Variants in INPP5D observed in about 807,000 individuals in gnomAD.
INPP5D encodes the protein inositol polyphosphate-5-phosphatase D.
INPP5D carries 33 observed loss-of-function variants against 122.9 expected under a neutral mutation model. That is an observed-to-expected ratio of 0.27 (90% CI 0.20 to 0.36). The LOEUF is 0.36. INPP5D is among the 10% of genes least tolerant of loss of function. INPP5D has a pLI of 1.00. For synonymous variants in INPP5D, 584 were observed against 576.2 expected, an observed-to-expected ratio of 1.01 and a Z score of -0.19; for missense variants, 1,053 against 1,412.7, an observed-to-expected ratio of 0.75 and a Z score of 4.08.
intron 2 of INPP5D, among the ~76,000 whole-genome samples, chr2:233,108,898 TGCAGCTTCTGCATGGCA>T (rs1276920880): frequency 6.6e-6 from 1 of 152,214 alleles, no homozygotes; most frequent in Non-Finnish European, 1.5e-5. Flanking sequence ...TCCACAGTCT[TGCAGCTTCTGCATGGCA>T]GAGAGGGGAC....
intron 2 of INPP5D, among the ~76,000 whole-genome samples, chr2:233,095,699 CT>C (rs1170448352): frequency 3.2e-4 from 29 of 90,700 alleles, no homozygotes; most frequent in African/African-American, 1.2e-3. Flanking sequence ...GGAGATAGAA[CT>C]TTTAAAATAA....
intron 13 of INPP5D, among the ~76,000 whole-genome samples, chr2:233,168,591 C>CT (rs1694406962): frequency 1.3e-5 from 2 of 152,234 alleles, no homozygotes; most frequent in Non-Finnish European, 2.9e-5. Flanking sequence ...GTGTTCTTTA[C>CT]GAACACTGAA....
At chr2:233,124,314 C>G (rs1214960239) in intron 3 of INPP5D, among the ~76,000 whole-genome samples, 1 of 152,206 alleles carries the variant, frequency 6.6e-6, no homozygotes, top group Admixed American at 6.5e-5. Flanking sequence ...GGGCTTGCTG[C>G]AGGCATCCTT....
Position 233,164,459 on chromosome 2 carries a change from C to A in INPP5D, c.1555+35C>A, listed in dbSNP as rs1694276837. 2 of 1,515,808 alleles carry A rather than the reference C, an allele frequency of 1.3e-6. No homozygotes were observed. Among genetic ancestry groups the A allele is most frequent in the Non-Finnish European group, 1.8e-6 (2 of 1,124,030 alleles). The allele number at this position is 1,515,808 out of a possible 1,614,324, so 93.9% of individuals were successfully genotyped here. A position where few individuals can be genotyped will look rare whatever the true frequency, so the allele number is the denominator to read the frequency against. ...GCGGGGACCCTGTGTTCCTCCCACA[C>A]CCTCTGCCTCAACTCTCGCGACCAC... On this transcript the variant is annotated intron_variant, in intron 13 of 26. Transcript: ENST00000445964. This position sits in a 1 kb window ranked among gnomAD's most constrained non-coding sequence, Gnocchi z 4.3.
At chr2:233,148,551 A>G (rs928228468) in intron 9 of INPP5D, among the ~76,000 whole-genome samples, 4 of 152,156 alleles carry the variant, frequency 2.6e-5, no homozygotes, top group Non-Finnish European at 5.9e-5. Context: ...GAGGCCAGGC[A>G]GGGTGTCAGG....
chr2:233,173,240 C>T (rs1694538028), intron 17 of INPP5D, among the ~76,000 whole-genome samples: 1 of 151,214 alleles, frequency 6.6e-6, no homozygotes, highest in South Asian at 2.1e-4. Context: ...AGGTGGTACA[C>T]CTGTATAGGG....
intron 21 of INPP5D, among the ~76,000 whole-genome samples, chr2:233,187,431 A>T (rs1313653084): frequency 1.3e-5 from 2 of 152,032 alleles, no homozygotes; most frequent in East Asian, 3.9e-4. Context: ...CAGAGGTGAC[A>T]CTCGAGGTGA....
At chr2:233,141,473 A>G (rs1693629996) in intron 6 of INPP5D, 1 of 152,154 alleles carries the variant, frequency 6.6e-6, no homozygotes, top group Non-Finnish European at 1.5e-5. Context: ...AGGCTGAGGC[A>G]GGAGCATTGC....
chr2:233,149,612 A>G (rs1404724759), intron 9 of INPP5D, among the ~76,000 whole-genome samples: 3 of 152,120 alleles, frequency 2.0e-5, no homozygotes, highest in Non-Finnish European at 4.4e-5. Context: ...CCATTGCTCA[A>G]ATTCCTTCAG....
intron 9 of INPP5D, among the ~76,000 whole-genome samples, chr2:233,147,868 CTGTGAGTACA>C (rs775926874): frequency 2.6e-5 from 4 of 152,224 alleles, no homozygotes; most frequent in Non-Finnish European, 5.9e-5. Context: ...ATAAACTAAA[CTGTGAGTACA>C]TGGACTCTGG....
At chr2:233,094,910 T>G (rs535810063) in intron 2 of INPP5D, among the ~76,000 whole-genome samples, 1 of 152,334 alleles carries the variant, frequency 6.6e-6, no homozygotes, top group African/African-American at 2.4e-5. Context: ...GTGAGGAATG[T>G]TCTCCCACCC....
intron 2 of INPP5D, among the ~76,000 whole-genome samples, chr2:233,111,646 C>T (rs185717989): frequency 6.6e-6 from 1 of 152,342 alleles, no homozygotes; most frequent in East Asian, 1.9e-4. Context: ...CCTCTGTGCA[C>T]CCATCTCAGG....
chr2:233,116,662 T>G (rs146503515), intron 2 of INPP5D, among the ~76,000 whole-genome samples: 122 of 151,898 alleles, frequency 8.0e-4, no homozygotes, highest in African/African-American at 2.7e-3. Flanking sequence ...AGTGGCTCCA[T>G]CTTGGCTCAC....
At position 233,100,588 on chromosome 2, in the gene INPP5D, C is replaced by A. The variant is rs1006527965; in HGVS notation, c.198+21190C>A. Among the ~76,000 whole-genome samples the A allele has an allele frequency of 6.6e-6, 1 of 152,228 alleles. No individual in the cohort carries two copies. The highest frequency in any genetic ancestry group is 1.5e-5 in the Non-Finnish European group (1 of 68,030). On this transcript the variant is annotated intron_variant, in intron 2 of 26. Coordinates refer to ENST00000445964, the MANE Select transcript of INPP5D (RefSeq NM_001017915.3). This position sits in a 1 kb window ranked among gnomAD's most constrained non-coding sequence, Gnocchi z 5.3. ...CATCCCCCATGGACTCATGGGCACC[C>A]CCGGTTGAGCTCGCTCACCCAGAGC...
At chr2:233,149,595 GC>G (rs1693871043) in intron 9 of INPP5D, among the ~76,000 whole-genome samples, 1 of 152,084 alleles carries the variant, frequency 6.6e-6, no homozygotes, top group Non-Finnish European at 1.5e-5. Context: ...GGTCCTTCCT[GC>G]ACCTGCCATT....
At chr2:233,199,826 C>T (rs780395686) in intron 25 of INPP5D, among the ~76,000 whole-genome samples, 1 of 148,092 alleles carries the variant, frequency 6.8e-6, no homozygotes, top group Non-Finnish European at 1.5e-5. Flanking sequence ...GAGACTCCAT[C>T]TCAAAAGAAA....
At chr2:233,161,293 T>C (rs1469909465) in intron 10 of INPP5D, among the ~76,000 whole-genome samples, 2 of 152,098 alleles carry the variant, frequency 1.3e-5, no homozygotes, top group South Asian at 2.1e-4. Flanking sequence ...AGTTTCACCA[T>C]GTTGGTCAGG....
At chr2:233,073,764 T>C (rs114518542) in intron 1 of INPP5D, among the ~76,000 whole-genome samples, 2 of 152,176 alleles carry the variant, frequency 1.3e-5, no homozygotes, top group Non-Finnish European at 2.9e-5. Context: ...TGTCTTTTCC[T>C]CTAGTACCAC....
At chr2:233,178,777 C>T (rs1694711214) in intron 18 of INPP5D, among the ~76,000 whole-genome samples, 1 of 152,176 alleles carries the variant, frequency 6.6e-6, no homozygotes, top group Non-Finnish European at 1.5e-5. Flanking sequence ...AGTCACTGCG[C>T]CAGGCCCAGT....
Sources: gnomAD v4.1 joint callset for allele counts (sites outside exome capture counted in the v4.1 genomes callset) on GRCh38, gnomAD v4.1.1 for gene constraint, Gnocchi (gnomAD v3.1) non-coding constraint, MANE v1.5 for transcripts, NCBI Gene and HGNC (gene_info 2026-07-23, HGNC 2026-07-21) for gene names.